Variants in F2 observed in about 807,000 individuals in gnomAD.
F2 encodes the protein prothrombin.
A neutral mutation model predicts 81.9 loss-of-function variants in F2; 34 were observed. That is an observed-to-expected ratio of 0.42 (90% CI 0.32 to 0.55). The LOEUF (loss-of-function observed/expected upper bound fraction) is 0.55. F2 is among the 20% of genes least tolerant of loss of function. The probability of loss-of-function intolerance (pLI) is 0.18; values close to 1 mark genes in which losing one functional copy is unlikely to be tolerated. For missense variants in F2, 630 were observed against 833.4 expected, an observed-to-expected ratio of 0.76 and a Z score of 3.00; for synonymous variants, 296 against 326.4, an observed-to-expected ratio of 0.91 and a Z score of 1.01.
At chr11:46,721,199 A>C (rs2029893621) in intron 4 of F2, among the ~76,000 whole-genome samples, 2 of 140,218 alleles carry the variant, frequency 1.4e-5, no homozygotes, top group African/African-American at 4.9e-5. Flanking sequence ...GCTCGCCACC[A>C]CGCCTGGCTA....
At chr11:46,730,442 G>T (rs2064904224) in intron 12 of F2, among the ~76,000 whole-genome samples, 1 of 151,920 alleles carries the variant, frequency 6.6e-6, no homozygotes, top group Non-Finnish European at 1.5e-5. Flanking sequence ...CAGGCTGGGG[G>T]CATGGCAGGC....
chr11:46,724,873 C>T (rs1450310938), intron 6 of F2, among the ~76,000 whole-genome samples: 1 of 151,592 alleles, frequency 6.6e-6, no homozygotes, highest in Admixed American at 6.6e-5. Flanking sequence ...TGGGTTCAAG[C>T]GATTCCCCTG....
intron 12 of F2, among the ~76,000 whole-genome samples, chr11:46,733,760 A>T (rs1268890224): frequency 6.7e-6 from 1 of 148,480 alleles, no homozygotes. Context: ...GAGGTTGAAC[A>T]TCGTATCATA....
In F2 at chr11:46,739,138, A is replaced by AGG; in HGVS notation, c.1725+22_1725+23dup. 6.2e-7 allele frequency: 1 copy of AGG among 1,613,778 alleles called. No individual in the cohort carries two copies. Among genetic ancestry groups the AGG allele is most frequent in the Non-Finnish European group, 8.5e-7 (1 of 1,179,584 alleles). On this transcript the variant is annotated intron_variant, in intron 13 of 13. Coordinates refer to ENST00000311907, the MANE Select transcript of F2 (RefSeq NM_000506.5). ...ATGAAGGTAAGCTTCTCTAAAGCCC[A>AGG]GGGCCTGGTGAACACATCTTCTGGG... is the stretch of plus-strand genomic sequence containing the variant.
chr11:46,737,161 A>G (rs894708620), intron 12 of F2, among the ~76,000 whole-genome samples: 1 of 151,722 alleles, frequency 6.6e-6, no homozygotes, highest in African/African-American at 2.4e-5. Context: ...CTTTTTTTTG[A>G]GATGGAGTCT....
Position 46,720,514 on chromosome 11 carries a change from G to A in F2, c.241-9G>A. 6.2e-7 allele frequency: 1 copy of A among 1,614,152 alleles called. No homozygotes were observed. The highest frequency in any genetic ancestry group is 8.5e-7 in the Non-Finnish European group (1 of 1,180,020). On this transcript the variant is annotated splice_polypyrimidine_tract_variant and intron_variant, in intron 2 of 13. Coordinates refer to ENST00000311907, the MANE Select transcript of F2 (RefSeq NM_000506.5). ...TGCCGTAGCCTCACTCCCAGCCCTT[G>A]TTTTTCAGGATGTGTTCTGGGCCAA...
chr11:46,727,223 T>C (rs968194969), intron 9 of F2, among the ~76,000 whole-genome samples: 6 of 151,934 alleles, frequency 3.9e-5, no homozygotes, highest in Non-Finnish European at 7.4e-5. Context: ...GGTTTCACCA[T>C]GTTGGCCAGG....
At position 46,723,150 on chromosome 11, in the gene F2, C is replaced by A. The variant is rs754515085; in HGVS notation, c.317-30C>A. ...GAGAGAGGAAATAAGTCCCCAGGCTCCAAGGCTGACCGGGGTGGGGTCTCC... is the reference window on the plus strand; with the variant it reads ...GAGAGAGGAAATAAGTCCCCAGGCTACAAGGCTGACCGGGGTGGGGTCTCC... On this transcript the variant is annotated intron_variant, in intron 4 of 13. Coordinates refer to ENST00000311907, the MANE Select transcript of F2 (RefSeq NM_000506.5). The surrounding 1 kb of genome is among the most constrained non-coding windows in gnomAD (Gnocchi z 5.6). 4.5e-5 allele frequency: 72 copies of A among 1,600,440 alleles called. No homozygotes were observed. Among genetic ancestry groups the A allele is most frequent in the South Asian group, 2.2e-5 (2 of 90,810 alleles).
At position 46,731,574 on chromosome 11, in the gene F2, A is replaced by G. The variant is rs770798301; in HGVS notation, c.1654+2013A>G. On this transcript the variant is annotated intron_variant, in intron 12 of 13. Transcript: ENST00000311907. ...AGTCTTGCTAATGTCTTTTATAGGGAAAAAAAAAAAAAAAAGCGTGTTTCT... is the reference window on the plus strand; with the variant it reads ...AGTCTTGCTAATGTCTTTTATAGGGGAAAAAAAAAAAAAAAGCGTGTTTCT... Among the ~76,000 whole-genome samples the G allele has an allele frequency of 2.2e-3, 171 of 76,918 alleles. 1 individual carries two copies. The highest frequency in any genetic ancestry group is 8.1e-3 in the Middle Eastern group (1 of 124). 50.5% of individuals were successfully genotyped at this position (76,918 alleles called of 152,430 possible).
At chr11:46,720,221 G>A in intron 2 of F2, 1 of 555,284 alleles carries the variant, frequency 1.8e-6, no homozygotes. Flanking sequence ...TCAAGACTCA[G>A]TGTTCCTGGA....
intron 12 of F2, among the ~76,000 whole-genome samples, chr11:46,734,751 C>A (rs374876955): frequency 6.6e-6 from 1 of 152,160 alleles, no homozygotes; most frequent in Non-Finnish European, 1.5e-5. Flanking sequence ...GCGGAGGTTG[C>A]AGTGAGCAGA....
Position 46,719,567 on chromosome 11 carries a change from C to G in F2, c.80-135C>G. 8.1e-7 allele frequency: 1 copy of G among 1,230,858 alleles called. No homozygotes were observed. 76.2% of individuals were successfully genotyped at this position (1,230,858 alleles called of 1,614,324 possible). On this transcript the variant is annotated intron_variant, in intron 1 of 13. Coordinates refer to ENST00000311907, the MANE Select transcript of F2 (RefSeq NM_000506.5). This position sits in a 1 kb window ranked among gnomAD's most constrained non-coding sequence, Gnocchi z 4.7. ...ACAGGGGGCCACATTTAGCAGCCTTCCAGGCACTTCCACCAGCCCAGACAG... is the reference window on the plus strand; with the variant it reads ...ACAGGGGGCCACATTTAGCAGCCTTGCAGGCACTTCCACCAGCCCAGACAG...
Position 46,720,563 on chromosome 11 carries a change from G to A in F2, c.265+16G>A. On this transcript the variant is annotated intron_variant, in intron 3 of 13. Transcript: ENST00000311907. ...AAGTACACAGGTGAGCACCGGGAAG[G>A]ATTTGCCCCAGGAAGGGAGGCCTGG... The A allele has an allele frequency of 6.2e-7, 1 of 1,614,074 alleles. No homozygotes were observed. Among genetic ancestry groups the A allele is most frequent in the East Asian group, 2.2e-5 (1 of 44,868 alleles).
At chr11:46,732,285 T>G (rs541711121) in intron 12 of F2, among the ~76,000 whole-genome samples, 5 of 152,208 alleles carry the variant, frequency 3.3e-5, no homozygotes, top group Admixed American at 3.3e-4. Flanking sequence ...ATGGCACTTA[T>G]CTAATTCTGT....
chr11:46,728,654 G>A lies in F2; in HGVS notation c.1299-10G>A, dbSNP rs370136934. Reference sequence around the variant, plus strand: ...GCAGCTTCTCCATTTCTTTCTTGGGGTCTCTGCAGGTACGAGCGAAACATT... The same window carrying A: ...GCAGCTTCTCCATTTCTTTCTTGGGATCTCTGCAGGTACGAGCGAAACATT... On this transcript the variant is annotated splice_polypyrimidine_tract_variant and intron_variant, in intron 10 of 13. Transcript: ENST00000311907. The surrounding 1 kb of genome is among the most constrained non-coding windows in gnomAD (Gnocchi z 5.1). The A allele has an allele frequency of 7.3e-5, 118 of 1,613,588 alleles. No homozygotes were observed. Among genetic ancestry groups the A allele is most frequent in the Non-Finnish European group, 9.2e-5 (109 of 1,179,600 alleles).
Position 46,728,290 on chromosome 11 carries a change from AG to A in F2, c.1298+128del. 9.0e-7 allele frequency: 1 copy of A among 1,105,366 alleles called. No individual in the cohort carries two copies. Among genetic ancestry groups the A allele is most frequent in the Non-Finnish European group, 1.3e-6 (1 of 751,074 alleles). 68.5% of individuals were successfully genotyped at this position (1,105,366 alleles called of 1,614,324 possible). A position where few individuals can be genotyped will look rare whatever the true frequency, so the allele number is the denominator to read the frequency against. Reference sequence around the variant, plus strand: ...ACCCCCCAGAATATAACATCCCAGCAGTCTCTGCTGGAAAGCCCATTTGGTC... The same window carrying A: ...ACCCCCCAGAATATAACATCCCAGCATCTCTGCTGGAAAGCCCATTTGGTC... On this transcript the variant is annotated intron_variant, in intron 10 of 13. Transcript: ENST00000311907. This position sits in a 1 kb window ranked among gnomAD's most constrained non-coding sequence, Gnocchi z 5.1.
chr11:46,725,085 T>TC (rs2064863385), intron 6 of F2, among the ~76,000 whole-genome samples: 1 of 136,058 alleles, frequency 7.3e-6, no homozygotes, highest in African/African-American at 2.7e-5. Context: ...TTTTTTTTTT[T>TC]TTGAGATGGA....
intron 12 of F2, among the ~76,000 whole-genome samples, chr11:46,736,701 C>G (rs1298734608): frequency 1.3e-5 from 2 of 152,224 alleles, no homozygotes; most frequent in African/African-American, 4.8e-5. Context: ...TACAGCGTCA[C>G]ATTGTTTTAA....
Position 46,729,526 on chromosome 11 carries a change from C to T in F2, c.1619C>T (p.Thr540Ile), listed in dbSNP as rs752961431. ...GAGCGGCCGGTCTGCAAGGACTCCA[C>T]CCGGATCCGCATCACTGACAACATG... ...IVERPVCKDS[T>I]RIRITDNMFC... Residue 540 changes from threonine (T) to isoleucine (I), a missense_variant, in exon 12 of 14, where the codon ACC becomes ATC. Thr to Ile is a moderately conservative substitution (Grantham distance 89). Transcript: ENST00000311907. The T allele has an allele frequency of 6.2e-7, 1 of 1,613,890 alleles. No homozygotes were observed. Among genetic ancestry groups the T allele is most frequent in the Non-Finnish European group, 8.5e-7 (1 of 1,179,828 alleles).
Sources: gnomAD v4.1 joint callset for allele counts (sites outside exome capture counted in the v4.1 genomes callset) on GRCh38, gnomAD v4.1.1 for gene constraint, Gnocchi (gnomAD v3.1) non-coding constraint, MANE v1.5 for transcripts, NCBI Gene and HGNC (gene_info 2026-07-23, HGNC 2026-07-21) for gene names.